Variants in CREB5 observed in about 807,000 individuals in gnomAD.
The protein encoded by CREB5 is cyclic AMP-responsive element-binding protein 5.
CREB5 carries 19 observed loss-of-function variants against 57.1 expected under a neutral mutation model. That is an observed-to-expected ratio of 0.33 (90% CI 0.23 to 0.49). CREB5 has a LOEUF of 0.49. CREB5 is among the 20% of genes least tolerant of loss of function. The pLI, the probability that CREB5 is intolerant of heterozygous loss-of-function variation, is 0.99. For synonymous variants in CREB5, 238 were observed against 238.3 expected (o/e 1.00, Z 0.01); for missense variants, 579 against 671.6 (o/e 0.86, Z 1.52).
chr7:28,524,312 A>C (rs1583576031), intron 4 of CREB5, among the ~76,000 whole-genome samples: 1 of 112,354 alleles, frequency 8.9e-6, no homozygotes, highest in African/African-American at 3.3e-5. Flanking sequence ...CCTCGCCTCT[A>C]CTAAACACAC....
rs528027785 is a variant in CREB5, at chr7:28,421,802, A to G, written c.3+8885A>G. On this transcript the variant is annotated intron_variant, in intron 1 of 10. Coordinates refer to ENST00000357727, the MANE Select transcript of CREB5 (RefSeq NM_182898.4). ...ATATATACCATATATATATATATAC[A>G]CACACCATATATATAGTGTGCATAT... is the stretch of plus-strand genomic sequence containing the variant. Among the ~76,000 whole-genome samples the G allele has an allele frequency of 4.0e-5, 6 of 148,888 alleles. No individual in the cohort carries two copies. The South Asian group carries it at 1.3e-3, about 31-fold the overall frequency.
chr7:28,444,125 C>T (rs779636045), intron 1 of CREB5, among the ~76,000 whole-genome samples: 17 of 152,090 alleles, frequency 1.1e-4, no homozygotes, highest in Non-Finnish European at 1.9e-4. Flanking sequence ...TAATCAGCAC[C>T]GTTTTATGCT....
Position 28,825,568 on chromosome 7 carries a change from G to C in CREB5, c.*6289G>C, listed in dbSNP as rs971557632. ...TGCTGTCACTTTAAGTTCTGGACTTGGGGTTCTTTGTATTTGTAAACAGCA... is the reference window on the plus strand; with the variant it reads ...TGCTGTCACTTTAAGTTCTGGACTTCGGGTTCTTTGTATTTGTAAACAGCA... On this transcript the variant is annotated 3_prime_UTR_variant, in exon 11 of 11. Transcript: ENST00000357727. 2.6e-5 allele frequency: 4 copies of C among 152,616 alleles called. No homozygotes were observed. The highest frequency in any genetic ancestry group is 5.9e-5 in the Non-Finnish European group (4 of 68,034). The allele number at this position is 152,616 out of a possible 1,614,324, so 9.5% of individuals were successfully genotyped here.
At chr7:28,591,789 A>G (rs1406589851) in intron 5 of CREB5, among the ~76,000 whole-genome samples, 2 of 152,148 alleles carry the variant, frequency 1.3e-5, no homozygotes, top group African/African-American at 4.8e-5. Flanking sequence ...AAATCTGACT[A>G]TATGCAATGC....
chr7:28,344,899 C>A (rs1285728512), intron 1 of CREB5, among the ~76,000 whole-genome samples: 1 of 151,994 alleles, frequency 6.6e-6, no homozygotes, highest in African/African-American at 2.4e-5. Flanking sequence ...AAACAAAGTC[C>A]ACGAGAGACA....
At chr7:28,561,361 G>A (rs988949214) in intron 4 of CREB5, among the ~76,000 whole-genome samples, 9 of 152,176 alleles carry the variant, frequency 5.9e-5, no homozygotes, top group Non-Finnish European at 1.3e-4. Flanking sequence ...GTGTGTGTGG[G>A]ATAAGGTGGA....
intron 5 of CREB5, among the ~76,000 whole-genome samples, chr7:28,593,712 G>A (rs559758559): frequency 9.2e-5 from 14 of 152,304 alleles, no homozygotes; most frequent in South Asian, 2.1e-4. Flanking sequence ...AGCAGTAGGT[G>A]TGATGAGAAT....
chr7:28,796,620 T>C (rs1405998938), intron 7 of CREB5, among the ~76,000 whole-genome samples: 1 of 152,230 alleles, frequency 6.6e-6, no homozygotes, highest in African/African-American at 2.4e-5. Context: ...CCAAGACTTC[T>C]CACTCTAAGT....
intron 1 of CREB5, among the ~76,000 whole-genome samples, chr7:28,456,709 G>C (rs1232422053): frequency 6.6e-6 from 1 of 152,194 alleles, no homozygotes; most frequent in East Asian, 1.9e-4. Context: ...GCTTTCACTG[G>C]GGCAGGTAAG....
upstream of CREB5, among the ~76,000 whole-genome samples, chr7:28,412,140 C>G (rs1787826965): frequency 6.6e-6 from 1 of 152,164 alleles, no homozygotes; most frequent in African/African-American, 2.4e-5. Flanking sequence ...GGCATGCACC[C>G]AGGGACAACT....
At chr7:28,386,257 C>A (rs1787100019) in intron 1 of CREB5, among the ~76,000 whole-genome samples, 1 of 152,096 alleles carries the variant, frequency 6.6e-6, no homozygotes, top group Non-Finnish European at 1.5e-5. Context: ...TAAATGGACT[C>A]AGTTTTAGTT....
At chr7:28,639,901 C>G (rs1319478217) in intron 5 of CREB5, among the ~76,000 whole-genome samples, 1 of 152,130 alleles carries the variant, frequency 6.6e-6, no homozygotes, top group African/African-American at 2.4e-5. Context: ...TTCTATGAAC[C>G]TACTCCTGCA....
At chr7:28,328,364 T>G (rs1785648712) in intron 1 of CREB5, among the ~76,000 whole-genome samples, 1 of 152,226 alleles carries the variant, frequency 6.6e-6, no homozygotes, top group Non-Finnish European at 1.5e-5. Flanking sequence ...GGGTTATGAC[T>G]GTGTCTCAAC....
At chr7:28,357,208 T>C (rs924712922) in intron 1 of CREB5, among the ~76,000 whole-genome samples, 1 of 152,224 alleles carries the variant, frequency 6.6e-6, no homozygotes, top group East Asian at 1.9e-4. Context: ...CTCACCTTGC[T>C]GATGTCCAAA....
chr7:28,533,767 C>T (rs983609795), intron 4 of CREB5, among the ~76,000 whole-genome samples: 1 of 152,150 alleles, frequency 6.6e-6, no homozygotes, highest in African/African-American at 2.4e-5. Context: ...AGCAACCAAA[C>T]CTGAATATAT....
At chr7:28,332,915 A>G (rs145837973) in intron 1 of CREB5, among the ~76,000 whole-genome samples, 3 of 152,378 alleles carry the variant, frequency 2.0e-5, no homozygotes, top group East Asian at 1.9e-4. Flanking sequence ...TCATTTTGAC[A>G]TAAGATACTG....
chr7:28,462,540 G>A (rs1790392386), intron 1 of CREB5, among the ~76,000 whole-genome samples: 1 of 152,088 alleles, frequency 6.6e-6, no homozygotes, highest in South Asian at 2.1e-4. Context: ...AAACCCACCA[G>A]CAATATATGA....
chr7:28,692,360 G>A (rs1016513675), intron 5 of CREB5, among the ~76,000 whole-genome samples: 6 of 152,172 alleles, frequency 3.9e-5, no homozygotes, highest in Admixed American at 1.3e-4. Flanking sequence ...ATTTTGGGAG[G>A]CCAAGGCAGG....
At chr7:28,762,725 GT>G (rs59288466) in intron 7 of CREB5, among the ~76,000 whole-genome samples, 33,081 of 146,122 alleles carry the variant, frequency 0.23, 4,647 homozygotes, top group Non-Finnish European at 0.32. Context: ...CTTGGCTATG[GT>G]TTTTTTTTTT....
Sources: allele counts gnomAD v4.1 joint callset (sites outside exome capture counted in the v4.1 genomes callset), GRCh38; gene constraint gnomAD v4.1.1; transcripts MANE v1.5; gene names NCBI Gene and HGNC (gene_info 2026-07-23, HGNC 2026-07-21).